Variants in CA4 observed in about 807,000 individuals in gnomAD.
CA4 encodes the protein CA-IV.
In CA4, 24 loss-of-function variants were observed where a neutral mutation model predicts 34.5. The observed-to-expected ratio is 0.70, with a 90% confidence interval of 0.50 to 0.98. The LOEUF is 0.98. Among genes scored for constraint, CA4 ranks in the 50% least tolerant of loss-of-function variants. CA4 has a pLI of 0.00. For missense variants in CA4, 394 were observed against 396.7 expected (o/e 0.99, Z 0.06); for synonymous variants, 178 against 170.6 (o/e 1.04, Z -0.34).
At chr17:60,152,117 G>C (rs926821813) in intron 1 of CA4, among the ~76,000 whole-genome samples, 1 of 151,988 alleles carries the variant, frequency 6.6e-6, no homozygotes, top group Non-Finnish European at 1.5e-5. Context: ...ACTGACTTTC[G>C]GTCTCTAACC....
intron 1 of CA4, 82 bp downstream of exon 1, chr17:60,150,174 C>G (rs377634929): frequency 8.4e-7 from 1 of 1,185,646 alleles, no homozygotes; most frequent in Non-Finnish European, 1.2e-6. Context: ...GAGGATCCCC[C>G]CGCGGGCGAC....
At chr17:60,166,405 G>A (rs372962948) in intron 5 of CA4, among the ~76,000 whole-genome samples, 4 of 152,292 alleles carry the variant, frequency 2.6e-5, no homozygotes, top group South Asian at 2.1e-4. Flanking sequence ...CACCATGCCC[G>A]TCTTGAATTT....
rs769701016 is a variant in CA4, at chr17:60,157,409, C to T, written c.269-18C>T. 2.5e-6 allele frequency: 4 copies of T among 1,614,090 alleles called. No homozygotes were observed. The South Asian group carries it at 4.4e-5, about 18-fold the overall frequency. ...GAGGGAGGCTGGTTCGAGGACTCTG[C>T]CCCTTCTGTGCTCCCAGTGATGATG... On this transcript the variant is annotated intron_variant, in intron 3 of 7. Coordinates refer to ENST00000300900, the MANE Select transcript of CA4 (RefSeq NM_000717.5).
intron 3 of CA4, chr17:60,156,925 G>A (rs866533687): frequency 1.6e-6 from 1 of 622,418 alleles, no homozygotes; most frequent in Non-Finnish European, 2.9e-6. Flanking sequence ...GGATGTGGGG[G>A]CAGGAAACGT....
In CA4 at chr17:60,159,312, T is replaced by C. The variant is rs765504256; in HGVS notation, c.827T>C (p.Leu276Pro). The change falls in exon 8 of 8, where the codon CTG becomes CCG. Residue 276 changes from leucine (L) to proline (P), a missense_variant. Leu to Pro is a moderately conservative substitution (Grantham distance 98). Transcript: ENST00000300900. ...GACAATGTCAGGCCCCTGCAGCAGC[T>C]GGGGCAGCGCACGGTGATAAAGTCC... Reference protein sequence around the residue: ...MKDNVRPLQQLGQRTVIKSGA... With the variant: ...MKDNVRPLQQPGQRTVIKSGA... 6.2e-7 allele frequency: 1 copy of C among 1,609,952 alleles called. No individual in the cohort carries two copies. The highest frequency in any genetic ancestry group is 2.2e-5 in the East Asian group (1 of 44,704).
chr17:60,164,165 C>CCTCCCTCTCTCT, downstream of CA4, among the ~76,000 whole-genome samples: 1 of 144,038 alleles, frequency 6.9e-6, no homozygotes, highest in Non-Finnish European at 1.5e-5. Flanking sequence ...TCCCTCCCTC[C>CCTCCCTCTCTCT]CTCCCTCTCT....
At position 60,155,648 on chromosome 17, in the gene CA4, ACACT is replaced by A. The variant is rs200061425; in HGVS notation, c.112+285_112+288del. On this transcript the variant is annotated intron_variant, in intron 2 of 7. Transcript: ENST00000300900. ...CACTCACACTCACACATGCACACAC[ACACT>A]CACACTCACACAAACCCACACTCAC... Among the ~76,000 whole-genome samples, 402 of 151,210 alleles carry A rather than the reference ACACT, an allele frequency of 2.7e-3. 4 individuals carry two copies. The East Asian group carries it at 0.028, about 11-fold the overall frequency.
Position 60,170,341 on chromosome 17 carries a change from C to T in CA4, c.*179-210C>T, listed in dbSNP as rs193198285. Reference sequence around the variant, plus strand: ...TCTCATGGCTGCTGTGGCTGGTGGCCGCCTTTACAACAATAGCATATTGGA... The same window carrying T: ...TCTCATGGCTGCTGTGGCTGGTGGCTGCCTTTACAACAATAGCATATTGGA... On this transcript the variant is annotated intron_variant and NMD_transcript_variant, in intron 5 of 5. Transcript: ENST00000586876. Among the ~76,000 whole-genome samples the T allele has an allele frequency of 9.7e-3, 1,483 of 152,250 alleles. 31 individuals are homozygous for T. Among genetic ancestry groups the T allele is most frequent in the African/African-American group, 0.034 (1,396 of 41,540 alleles).
intron 2 of CA4, among the ~76,000 whole-genome samples, chr17:60,156,234 T>G (rs1048536179): frequency 2.6e-5 from 4 of 152,218 alleles, no homozygotes; most frequent in African/African-American, 9.6e-5. Flanking sequence ...AACCCAGGGC[T>G]TGGAGAGGCC....
downstream of CA4, chr17:60,159,574 C>A (rs1351686548): frequency 6.9e-6 from 6 of 872,440 alleles, no homozygotes; most frequent in Non-Finnish European, 1.1e-5. Flanking sequence ...TTTAGCCTTC[C>A]ACAACTACCC....
rs1321653484 is a variant in CA4, at chr17:60,156,452, C to T, written c.113-108C>T. The T allele has an allele frequency of 1.0e-5, 11 of 1,102,698 alleles. No homozygotes were observed. In the East Asian group the frequency reaches 1.2e-4, roughly 12 times the overall value. 68.3% of individuals were successfully genotyped at this position (1,102,698 alleles called of 1,614,324 possible). Reference sequence around the variant, plus strand: ...GCACAGCCTTCAGGCCACCCCAAAGCGTTTCTGTGTGGGAACTGAGTGGGT... The same window carrying T: ...GCACAGCCTTCAGGCCACCCCAAAGTGTTTCTGTGTGGGAACTGAGTGGGT... On this transcript the variant is annotated intron_variant, in intron 2 of 7. Coordinates refer to ENST00000300900, the MANE Select transcript of CA4 (RefSeq NM_000717.5).
At chr17:60,152,492 C>T (rs1166905881) in intron 1 of CA4, among the ~76,000 whole-genome samples, 2 of 152,228 alleles carry the variant, frequency 1.3e-5, no homozygotes, top group Non-Finnish European at 2.9e-5. Context: ...CTAGGAGCTG[C>T]GGCCAGAGCC....
chr17:60,157,881 GGC>G lies in CA4; in HGVS notation c.513+95_513+96del, dbSNP rs1297021907. The G allele has an allele frequency of 1.4e-5, 21 of 1,504,620 alleles. No individual in the cohort carries two copies. The East Asian group carries it at 4.7e-4, about 34-fold the overall frequency. The allele number at this position is 1,504,620 out of a possible 1,614,324, so 93.2% of individuals were successfully genotyped here. On this transcript the variant is annotated intron_variant, in intron 5 of 7. Transcript: ENST00000300900. ...CTGGGACTCCAGCGAGGCAGGAGGG[GGC>G]GGGGAGACTCCAACTTCCGCCTCTG...
At chr17:60,172,060 GC>G (rs59168566), downstream of CA4, among the ~76,000 whole-genome samples, 3,218 of 152,246 alleles carry the variant, frequency 0.021, 135 homozygotes, top group African/African-American at 0.073. Context: ...GAGGCTCCCT[GC>G]TGATCCCTAA....
intron 1 of CA4, among the ~76,000 whole-genome samples, chr17:60,152,333 G>T (rs1353621649): frequency 6.6e-6 from 1 of 151,638 alleles, no homozygotes; most frequent in Non-Finnish European, 1.5e-5. Context: ...CTCATCCACC[G>T]ACATGGACCT....
At chr17:60,168,502 G>T (rs1943231217) in intron 5 of CA4, among the ~76,000 whole-genome samples, 1 of 109,934 alleles carries the variant, frequency 9.1e-6, no homozygotes, top group South Asian at 3.8e-4. Context: ...TTCTTTTTTT[G>T]GGGGGGCAGG....
intron 7 of CA4, 72 bp from the exon 8 acceptor site, chr17:60,159,154 GGTGC>G: frequency 7.6e-7 from 1 of 1,315,388 alleles, no homozygotes; most frequent in Non-Finnish European, 1.1e-6. Flanking sequence ...GACAGGATGA[GGTGC>G]CTGCCTGAGG....
At chr17:60,172,328 T>C (rs1341241128), downstream of CA4, among the ~76,000 whole-genome samples, 10 of 152,172 alleles carry the variant, frequency 6.6e-5, no homozygotes, top group Non-Finnish European at 1.5e-4. Flanking sequence ...TCCAGAGCTC[T>C]TCTAGGTTTT....
intron 3 of CA4, chr17:60,157,084 A>G (rs1344428105): frequency 5.8e-6 from 3 of 518,220 alleles, no homozygotes; most frequent in Non-Finnish European, 1.0e-5. Context: ...GCTGGGGCCC[A>G]AGGGCAGATC....
Sources: allele counts gnomAD v4.1 joint callset (sites outside exome capture counted in the v4.1 genomes callset), GRCh38; gene constraint gnomAD v4.1.1; transcripts MANE v1.5; gene names NCBI Gene and HGNC (gene_info 2026-07-23, HGNC 2026-07-21).